GLRX3: variants seen among roughly 807,000 people sequenced by gnomAD.
GLRX3 encodes glutaredoxin 3.
Under a neutral mutation model 49.5 loss-of-function variants are expected in GLRX3, and 22 were observed. The observed-to-expected ratio is 0.44, with a 90% CI of 0.32 to 0.63. The LOEUF is 0.63. GLRX3 is among the 30% of genes least tolerant of loss of function. The probability of loss-of-function intolerance (pLI) is 0.05; values close to 1 mark genes in which losing one functional copy is unlikely to be tolerated. For synonymous variants in GLRX3, 133 were observed against 140.0 expected, an observed-to-expected ratio of 0.95 and a Z score of 0.35; for missense variants, 385 against 396.3, an observed-to-expected ratio of 0.97 and a Z score of 0.24.
At chr10:130,145,157 G>C in intron 1 of GLRX3, 54 bp from the exon 2 acceptor site, 3 of 707,464 alleles carry the variant, frequency 4.2e-6, no homozygotes, top group Non-Finnish European at 7.3e-6. Flanking sequence ...ATCAGTATTT[G>C]TGTATTTCCA....
intron 1 of GLRX3, among the ~76,000 whole-genome samples, chr10:130,141,787 A>G (rs75443271): frequency 0.019 from 2,904 of 152,134 alleles, 107 homozygotes; most frequent in African/African-American, 0.067. Flanking sequence ...GCCTCTGTGA[A>G]CCTCTGTTTT....
intron 1 of GLRX3, among the ~76,000 whole-genome samples, chr10:130,138,841 A>G (rs1862116431): frequency 6.7e-6 from 1 of 148,160 alleles, no homozygotes. Context: ...CAAAATGAAT[A>G]AAAGTGTTTT....
intron 2 of GLRX3, among the ~76,000 whole-genome samples, chr10:130,152,342 T>C (rs1862393638): frequency 6.6e-6 from 1 of 152,192 alleles, no homozygotes; most frequent in Non-Finnish European, 1.5e-5. Flanking sequence ...TTTGATTCTG[T>C]CATTATGATG....
Position 130,136,415 on chromosome 10 carries a change from G to A in GLRX3, c.-6G>A, listed in dbSNP as rs1455129991. The A allele has an allele frequency of 1.6e-6, 2 of 1,252,992 alleles. No homozygotes were observed. Among genetic ancestry groups the A allele is most frequent in the South Asian group, 3.8e-5 (1 of 26,022 alleles). 77.6% of individuals were successfully genotyped at this position (1,252,992 alleles called of 1,614,324 possible). A position where few individuals can be genotyped will look rare whatever the true frequency, so the allele number is the denominator to read the frequency against. On this transcript the variant is annotated 5_prime_UTR_variant, in exon 1 of 11. Coordinates refer to ENST00000331244, the MANE Select transcript of GLRX3 (RefSeq NM_006541.5). ...CACTGGATTGCTTCTGTCTGGCGGC[G>A]GCAGCATGGCGGCGGGGGCGGCTGA... is the stretch of plus-strand genomic sequence containing the variant.
At chr10:130,161,039 T>C in intron 4 of GLRX3, 42 bp downstream of exon 4, 1 of 1,379,370 alleles carries the variant, frequency 7.2e-7, no homozygotes, top group Non-Finnish European at 1.0e-6. Context: ...AAATGGGTGC[T>C]TTCCCAGAAT....
At chr10:130,160,471 C>A (rs1241239776) in intron 3 of GLRX3, among the ~76,000 whole-genome samples, 2 of 152,188 alleles carry the variant, frequency 1.3e-5, no homozygotes, top group African/African-American at 2.4e-5. Context: ...TGCTTCCAGG[C>A]ACCCATGGGT....
intron 4 of GLRX3, among the ~76,000 whole-genome samples, chr10:130,162,773 T>C (rs1277247917): frequency 1.3e-5 from 2 of 152,176 alleles, no homozygotes; most frequent in African/African-American, 2.4e-5. Flanking sequence ...GGAAGTGTGC[T>C]GCACTGGGTG....
At chr10:130,161,656 C>T (rs900936067) in intron 4 of GLRX3, among the ~76,000 whole-genome samples, 1 of 152,136 alleles carries the variant, frequency 6.6e-6, no homozygotes, top group African/African-American at 2.4e-5. Flanking sequence ...TTATTTGACC[C>T]CTCTGGTAGT....
chr10:130,144,211 A>G (rs939932243), intron 1 of GLRX3, among the ~76,000 whole-genome samples: 2 of 152,168 alleles, frequency 1.3e-5, no homozygotes, highest in East Asian at 3.9e-4. Flanking sequence ...CATTTTTCAC[A>G]AACATTGTGC....
chr10:130,137,060 G>T (rs1341267934), intron 1 of GLRX3, among the ~76,000 whole-genome samples: 1 of 152,250 alleles, frequency 6.6e-6, no homozygotes, highest in African/African-American at 2.4e-5. Context: ...GGAAGGCCCC[G>T]TTGCATTAGC....
intron 6 of GLRX3, among the ~76,000 whole-genome samples, chr10:130,168,963 T>A (rs1564998133): frequency 6.6e-6 from 1 of 152,192 alleles, no homozygotes; most frequent in African/African-American, 2.4e-5. Context: ...ATGAGAGAAT[T>A]TGATTTTAGT....
At chr10:130,164,846 C>T (rs1309929041) in intron 4 of GLRX3, among the ~76,000 whole-genome samples, 1 of 152,188 alleles carries the variant, frequency 6.6e-6, no homozygotes, top group Non-Finnish European at 1.5e-5. Context: ...ATATTGGCAA[C>T]AGAATAACCA....
intron 4 of GLRX3, among the ~76,000 whole-genome samples, chr10:130,161,997 A>G (rs1862584284): frequency 6.6e-6 from 1 of 152,070 alleles, no homozygotes; most frequent in Non-Finnish European, 1.5e-5. Flanking sequence ...TTTTTTCGAG[A>G]TGGAATTTCG....
chr10:130,149,764 T>G (rs1862336454), intron 2 of GLRX3, among the ~76,000 whole-genome samples: 2 of 147,978 alleles, frequency 1.4e-5, no homozygotes, highest in Admixed American at 1.4e-4. Context: ...ATCGTAGCTA[T>G]TTTTTCCTGT....
At chr10:130,171,013 A>C (rs1410383410) in intron 7 of GLRX3, among the ~76,000 whole-genome samples, 1 of 152,062 alleles carries the variant, frequency 6.6e-6, no homozygotes, top group Non-Finnish European at 1.5e-5. Context: ...CTATAGTCCC[A>C]GCTACTCGGG....
intron 2 of GLRX3, among the ~76,000 whole-genome samples, chr10:130,146,031 G>A (rs1254067789): frequency 6.6e-6 from 1 of 152,156 alleles, no homozygotes; most frequent in Admixed American, 6.5e-5. Flanking sequence ...TTGACCTCGT[G>A]ATCTGCTCAC....
At chr10:130,144,750 A>G (rs1376612239) in intron 1 of GLRX3, among the ~76,000 whole-genome samples, 2 of 152,212 alleles carry the variant, frequency 1.3e-5, no homozygotes, top group Non-Finnish European at 2.9e-5. Context: ...GATATTGTAA[A>G]TAGTGCTGCA....
At chr10:130,158,705 A>G (rs2134899112) in intron 2 of GLRX3, among the ~76,000 whole-genome samples, 1 of 152,246 alleles carries the variant, frequency 6.6e-6, no homozygotes, top group East Asian at 1.9e-4. Context: ...TATGTGAAAG[A>G]AAATAACACA....
chr10:130,139,641 C>CAAAA lies in GLRX3; in HGVS notation c.92+3139_92+3142dup, dbSNP rs530321909. ...TGGACGACAGACGAAGACTCCATCT[C>CAAAA]AAAAAAAAAAAAACCAAAAAAAGAA... On this transcript the variant is annotated intron_variant, in intron 1 of 10. Transcript: ENST00000331244. Among the ~76,000 whole-genome samples, 104 of 100,546 alleles carry CAAAA rather than the reference C, an allele frequency of 1.0e-3. 1 individual carries two copies. The highest frequency in any genetic ancestry group is 2.2e-4 in the Non-Finnish European group (11 of 49,688). 66.0% of individuals were successfully genotyped at this position (100,546 alleles called of 152,430 possible). A position where few individuals can be genotyped will look rare whatever the true frequency, so the allele number is the denominator to read the frequency against.
Sources: gnomAD v4.1 joint callset for allele counts (sites outside exome capture counted in the v4.1 genomes callset) on GRCh38, gnomAD v4.1.1 for gene constraint, MANE v1.5 for transcripts, NCBI Gene and HGNC (gene_info 2026-07-23, HGNC 2026-07-21) for gene names.